The following SLC4A4 variants were observed in gnomAD, a reference collection of about 807,000 sequenced individuals.
SLC4A4 encodes solute carrier family 4 member 4, also known as electrogenic sodium bicarbonate cotransporter 1.
A neutral mutation model predicts 111.5 loss-of-function variants in SLC4A4; 27 were observed. The observed-to-expected ratio is 0.24, with a 90% CI of 0.18 to 0.33. The LOEUF (loss-of-function observed/expected upper bound fraction) is 0.33. Ranked by LOEUF, SLC4A4 falls within the 10% of genes least tolerant of loss-of-function variation. The pLI is 1.00. For synonymous variants in SLC4A4, 443 were observed against 463.4 expected (o/e 0.96, Z 0.57); for missense variants, 909 against 1,315.5 (o/e 0.69, Z 4.78).
chr4:71,260,990 G>C (rs1292042873), intron 3 of SLC4A4, among the ~76,000 whole-genome samples: 3 of 152,186 alleles, frequency 2.0e-5, no homozygotes, highest in African/African-American at 7.2e-5. Flanking sequence ...AAACTCTGTA[G>C]AGCTTAATTC....
intron 1 of SLC4A4, among the ~76,000 whole-genome samples, chr4:71,188,335 C>T (rs1745585714): frequency 6.6e-6 from 1 of 152,146 alleles, no homozygotes; most frequent in Non-Finnish European, 1.5e-5. Flanking sequence ...CCTTCCTTCC[C>T]TCTCAAGGCC....
chr4:71,094,480 C>A (rs913950250), intron 2 of SLC4A4, among the ~76,000 whole-genome samples: 2 of 152,196 alleles, frequency 1.3e-5, no homozygotes, highest in African/African-American at 4.8e-5. Context: ...AGGAGATTTA[C>A]ATTCAGCTCT....
chr4:71,465,976 CT>C (rs971809711), intron 12 of SLC4A4, among the ~76,000 whole-genome samples: 11 of 151,956 alleles, frequency 7.2e-5, no homozygotes, highest in Admixed American at 2.0e-4. Context: ...AGGTGTTTCT[CT>C]AGGAAAAAAA....
intron 8 of SLC4A4, among the ~76,000 whole-genome samples, chr4:71,443,996 G>A (rs1196820477): frequency 2.0e-5 from 3 of 152,120 alleles, no homozygotes; most frequent in Non-Finnish European, 2.9e-5. Flanking sequence ...CATTATGGAA[G>A]CCACAGTTTA....
intron 2 of SLC4A4, among the ~76,000 whole-genome samples, chr4:71,135,101 A>G (rs1304958575): frequency 6.6e-6 from 1 of 152,086 alleles, no homozygotes; most frequent in Admixed American, 6.6e-5. Context: ...CATGGTGTGT[A>G]TGTATGTATG....
At chr4:71,223,779 TC>T (rs2149025336) in intron 1 of SLC4A4, among the ~76,000 whole-genome samples, 1 of 152,096 alleles carries the variant, frequency 6.6e-6, no homozygotes, top group South Asian at 2.1e-4. Context: ...ACAGCCCTGT[TC>T]CGAGACTCAT....
intron 7 of SLC4A4, among the ~76,000 whole-genome samples, chr4:71,413,498 A>G (rs1292396208): frequency 6.6e-6 from 1 of 152,230 alleles, no homozygotes; most frequent in Non-Finnish European, 1.5e-5. Flanking sequence ...AGCTATGTCT[A>G]CTTGTTAGTT....
intron 3 of SLC4A4, among the ~76,000 whole-genome samples, chr4:71,257,085 C>G (rs115515284): frequency 1.3e-3 from 196 of 152,298 alleles, no homozygotes; most frequent in African/African-American, 4.6e-3. Flanking sequence ...AAGGAATGAA[C>G]AGATCAGGAA....
intron 8 of SLC4A4, 148 bp downstream of exon 8, chr4:71,440,921 C>G (rs762439435): frequency 5.5e-5 from 48 of 871,922 alleles, no homozygotes; most frequent in Non-Finnish European, 8.3e-5. Context: ...GACTTTTATA[C>G]TGTCAAATTT....
chr4:71,440,853 T>C, intron 8 of SLC4A4, 80 bp downstream of exon 8: 1 of 1,487,192 alleles, frequency 6.7e-7, no homozygotes, highest in East Asian at 2.3e-5. Flanking sequence ...ATCAATAGAA[T>C]GAGGAAATAT....
At chr4:71,330,037 C>G (rs2148877115) in intron 3 of SLC4A4, among the ~76,000 whole-genome samples, 1 of 152,226 alleles carries the variant, frequency 6.6e-6, no homozygotes, top group African/African-American at 2.4e-5. Flanking sequence ...TGATTTTTAT[C>G]AAATGCTTTT....
intron 15 of SLC4A4, among the ~76,000 whole-genome samples, chr4:71,489,105 G>A (rs1420672479): frequency 1.3e-5 from 2 of 151,550 alleles, no homozygotes; most frequent in Admixed American, 1.3e-4. Flanking sequence ...GCACCTACTA[G>A]GTGCCAGACT....
At chr4:71,522,148 A>G (rs1041509920) in intron 16 of SLC4A4, among the ~76,000 whole-genome samples, 3 of 152,178 alleles carry the variant, frequency 2.0e-5, no homozygotes, top group African/African-American at 7.2e-5. Flanking sequence ...TTTTGTATTC[A>G]CCATCCTTTT....
chr4:71,255,281 C>T lies in SLC4A4; in HGVS notation c.135C>T (p.His45=). 6.2e-7 allele frequency: 1 copy of T among 1,613,424 alleles called. No homozygotes were observed. The highest frequency in any genetic ancestry group is 8.5e-7 in the Non-Finnish European group (1 of 1,179,550). The change falls in exon 3 of 26, where the codon CAC becomes CAT. Residue 45 remains histidine, a synonymous_variant. Coordinates refer to ENST00000264485, the MANE Select transcript of SLC4A4 (RefSeq NM_001098484.3). ...VPKSYRRRRR[H]KRKTGHKEKK... is the part of the protein sequence containing the mutation. ...AGAGTTACAGGAGAAGGAGACGTCACAAGAGAAAGACAGGGCACAAAGAAA... is the reference window on the plus strand; with the variant it reads ...AGAGTTACAGGAGAAGGAGACGTCATAAGAGAAAGACAGGGCACAAAGAAA...
chr4:71,406,489 C>G (rs546981479), intron 7 of SLC4A4, among the ~76,000 whole-genome samples: 2 of 152,260 alleles, frequency 1.3e-5, no homozygotes, highest in South Asian at 4.1e-4. Flanking sequence ...TTCTAGCTCA[C>G]TTGTCTGATT....
chr4:71,439,943 TG>T (rs1724568288), intron 7 of SLC4A4, among the ~76,000 whole-genome samples: 1 of 151,936 alleles, frequency 6.6e-6, no homozygotes, highest in East Asian at 1.9e-4. Flanking sequence ...TTCTCTCCTT[TG>T]TTCCTTCAGC....
chr4:71,215,527 A>G (rs994879004), intron 1 of SLC4A4, among the ~76,000 whole-genome samples: 1 of 152,212 alleles, frequency 6.6e-6, no homozygotes, highest in African/African-American at 2.4e-5. Context: ...GTTCATAAGG[A>G]GGGTGGCAGT....
At chr4:71,240,176 C>T (rs370418040) in intron 2 of SLC4A4, among the ~76,000 whole-genome samples, 1 of 152,126 alleles carries the variant, frequency 6.6e-6, no homozygotes, top group Non-Finnish European at 1.5e-5. Flanking sequence ...AGAAGAAAAT[C>T]CTATGGATGT....
chr4:71,335,844 A>C (rs1409733919), intron 3 of SLC4A4, among the ~76,000 whole-genome samples: 1 of 152,082 alleles, frequency 6.6e-6, no homozygotes, highest in African/African-American at 2.4e-5. Context: ...AAAAATTTCT[A>C]ATCACAAAGT....
Sources: allele counts gnomAD v4.1 joint callset (sites outside exome capture counted in the v4.1 genomes callset), GRCh38; gene constraint gnomAD v4.1.1; transcripts MANE v1.5; gene names NCBI Gene and HGNC (gene_info 2026-07-23, HGNC 2026-07-21).